Variants in MYO5B observed in about 807,000 individuals in gnomAD.
MYO5B encodes unconventional myosin-Vb.
Under a neutral mutation model 229.3 loss-of-function variants are expected in MYO5B, and 143 were observed. That is an observed-to-expected ratio of 0.62 (90% confidence interval 0.54 to 0.72). The LOEUF (loss-of-function observed/expected upper bound fraction) is 0.72, where lower values mean the gene tolerates loss of function less well. Among genes scored for constraint, MYO5B ranks in the 30% least tolerant of loss-of-function variants. The probability of loss-of-function intolerance (pLI) is 0.00; values close to 1 mark genes in which losing one functional copy is unlikely to be tolerated. For synonymous variants in MYO5B, 918 were observed against 885.2 expected (o/e 1.04, Z -0.66); for missense variants, 2,321 against 2,331.0 (o/e 1.00, Z 0.09).
chr18:49,939,248 C>T (rs552397556), intron 14 of MYO5B, among the ~76,000 whole-genome samples: 95 of 148,898 alleles, frequency 6.4e-4, no homozygotes, highest in South Asian at 3.8e-3. Flanking sequence ...CAGGTTCAAG[C>T]GATTCTCCTG....
At position 49,872,219 on chromosome 18, in the gene MYO5B, T is replaced by TGTG; in HGVS notation, c.3548_3550dup (p.Pro1183dup). 6.2e-7 allele frequency: 1 copy of TGTG among 1,614,168 alleles called. No homozygotes were observed. ...ATTCGGGTCCAAATCTATGTCAGTC[T>TGTG]GTGGTGGTTCCGCCTGCATGGATAG... On this transcript the variant is annotated inframe_insertion, in exon 27 of 40. Coordinates refer to ENST00000285039, the MANE Select transcript of MYO5B (RefSeq NM_001080467.3).
chr18:50,000,674 A>G (rs2026036562), intron 5 of MYO5B, among the ~76,000 whole-genome samples: 1 of 152,186 alleles, frequency 6.6e-6, no homozygotes, highest in African/African-American at 2.4e-5. Flanking sequence ...AGCCCCTATC[A>G]TGAAGGCTGA....
chr18:49,894,872 C>G, intron 22 of MYO5B, 69 bp downstream of exon 22: 1 of 1,363,456 alleles, frequency 7.3e-7, no homozygotes, highest in South Asian at 1.2e-5. Context: ...CAGCAGTGCT[C>G]TCTGAGAGGT....
Position 50,055,255 on chromosome 18 carries a change from GA to G in MYO5B, c.138+12del. On this transcript the variant is annotated intron_variant, in intron 2 of 39. Transcript: ENST00000285039. ...ACCTCACCCCCGCCCCCCTGCCCCG[GA>G]CTCACTCTTACCGTTTCATCCTCCA... The G allele has an allele frequency of 2.2e-6, 1 of 463,824 alleles. No homozygotes were observed. Among genetic ancestry groups the G allele is most frequent in the Non-Finnish European group, 3.8e-6 (1 of 260,222 alleles). The allele number at this position is 463,824 out of a possible 1,614,324, so 28.7% of individuals were successfully genotyped here.
chr18:50,048,851 C>T (rs1312534543), intron 2 of MYO5B, among the ~76,000 whole-genome samples: 2 of 151,890 alleles, frequency 1.3e-5, no homozygotes, highest in South Asian at 2.1e-4. Flanking sequence ...GGTGAAACTC[C>T]GTCTCTACTT....
intron 22 of MYO5B, among the ~76,000 whole-genome samples, chr18:49,889,911 T>G (rs544941845): frequency 3.3e-5 from 5 of 152,304 alleles, no homozygotes; most frequent in African/African-American, 1.2e-4. Flanking sequence ...TTGAGGCTTG[T>G]TGCTTCCCTC....
chr18:49,966,115 CCA>C (rs2025622450), intron 10 of MYO5B, among the ~76,000 whole-genome samples: 1 of 152,100 alleles, frequency 6.6e-6, no homozygotes, highest in African/African-American at 2.4e-5. Flanking sequence ...AGAGGGAACA[CCA>C]CAGATAGAGG....
intron 2 of MYO5B, 87 bp from the exon 3 acceptor site, chr18:50,040,401 C>A (rs1209737277): frequency 3.2e-6 from 4 of 1,240,838 alleles, no homozygotes; most frequent in African/African-American, 1.5e-5. Context: ...GCTGGAATCA[C>A]CATCTTAACA....
intron 17 of MYO5B, among the ~76,000 whole-genome samples, chr18:49,927,443 A>G (rs1037897458): frequency 7.1e-6 from 1 of 140,082 alleles, no homozygotes; most frequent in African/African-American, 3.0e-5. Context: ...AAAAAAACAA[A>G]ACAAAACAAA....
intron 7 of MYO5B, among the ~76,000 whole-genome samples, chr18:49,989,898 T>C (rs2025910632): frequency 6.6e-6 from 1 of 152,156 alleles, no homozygotes; most frequent in African/African-American, 2.4e-5. Context: ...CCACGAGAGA[T>C]CAGATGGCCT....
chr18:50,139,300 G>A (rs1177999498), intron 1 of MYO5B, among the ~76,000 whole-genome samples: 2 of 152,144 alleles, frequency 1.3e-5, no homozygotes, highest in African/African-American at 4.8e-5. Context: ...GCTACAAAGT[G>A]GACACTCATT....
intron 4 of MYO5B, among the ~76,000 whole-genome samples, chr18:50,019,725 C>T (rs897686818): frequency 2.0e-5 from 3 of 152,318 alleles, no homozygotes; most frequent in East Asian, 1.9e-4. Flanking sequence ...CTGGGAGTCT[C>T]GTACCTGGTG....
intron 12 of MYO5B, among the ~76,000 whole-genome samples, chr18:49,960,618 C>T (rs1284246239): frequency 6.6e-6 from 1 of 152,216 alleles, no homozygotes; most frequent in Non-Finnish European, 1.5e-5. Context: ...CTAAATCATC[C>T]TGAATTTCCA....
intron 1 of MYO5B, among the ~76,000 whole-genome samples, chr18:50,070,686 TA>T (rs2144447011): frequency 1.3e-5 from 2 of 152,100 alleles, no homozygotes; most frequent in East Asian, 1.9e-4. Flanking sequence ...TTCCCCTGCT[TA>T]AAAATGTCCA....
At chr18:50,051,507 G>T (rs1298023072) in intron 2 of MYO5B, among the ~76,000 whole-genome samples, 3 of 152,144 alleles carry the variant, frequency 2.0e-5, no homozygotes, top group African/African-American at 7.2e-5. Flanking sequence ...AAGGGAGGTG[G>T]GGCCAGGAGA....
chr18:49,940,533 C>T (rs572646480), intron 14 of MYO5B, among the ~76,000 whole-genome samples: 1 of 152,300 alleles, frequency 6.6e-6, no homozygotes, highest in East Asian at 1.9e-4. Flanking sequence ...TGCAACCTGA[C>T]CTCACTTAAG....
chr18:49,930,621 G>A (rs547737371), intron 16 of MYO5B, among the ~76,000 whole-genome samples: 13 of 152,120 alleles, frequency 8.5e-5, no homozygotes, highest in African/African-American at 2.4e-4. Flanking sequence ...GGCTGGATGC[G>A]GTGCCTCATG....
At chr18:49,961,002 G>T (rs2025552896) in intron 12 of MYO5B, among the ~76,000 whole-genome samples, 2 of 152,184 alleles carry the variant, frequency 1.3e-5, no homozygotes, top group Admixed American at 6.5e-5. Context: ...TTAGCTTCGG[G>T]GGTATGGAGC....
chr18:49,859,168 G>A lies in MYO5B; in HGVS notation c.3945-2278C>T, dbSNP rs564426704. Among the ~76,000 whole-genome samples, 7 of 152,292 alleles carry A rather than the reference G, an allele frequency of 4.6e-5. No individual in the cohort carries two copies. In the East Asian group the frequency reaches 1.4e-3, roughly 29 times the overall value. On this transcript the variant is annotated intron_variant, in intron 29 of 39. Transcript: ENST00000285039. ...CAGCCCCACCTGTAATGAGCCCGTG[G>A]CCCGGGCTAATCACCTCCACGCCCT... is the stretch of plus-strand genomic sequence containing the variant.
Sources: allele counts gnomAD v4.1 joint callset (sites outside exome capture counted in the v4.1 genomes callset), GRCh38; gene constraint gnomAD v4.1.1; transcripts MANE v1.5; gene names NCBI Gene and HGNC (gene_info 2026-07-23, HGNC 2026-07-21).